The following HEG1 variants were observed in gnomAD, a reference collection of about 807,000 sequenced individuals.
The protein encoded by HEG1 is protein HEG homolog 1.
In HEG1, 56 loss-of-function variants were observed where a neutral mutation model predicts 125.6. The observed-to-expected ratio is 0.45, with a 90% CI of 0.36 to 0.56. The LOEUF is 0.56. Ranked by LOEUF, HEG1 falls within the 20% of genes least tolerant of loss-of-function variation. The probability of loss-of-function intolerance (pLI) is 0.00; values close to 1 mark genes in which losing one functional copy is unlikely to be tolerated. For synonymous variants in HEG1, 644 were observed against 668.5 expected (o/e 0.96, Z 0.57); for missense variants, 1,523 against 1,670.0 (o/e 0.91, Z 1.53).
intron 8 of HEG1, among the ~76,000 whole-genome samples, chr3:125,006,163 A>G (rs931319124): frequency 2.0e-5 from 3 of 151,970 alleles, no homozygotes; most frequent in Non-Finnish European, 2.9e-5. Flanking sequence ...GTGGGGCTAT[A>G]CTCCATGGGG....
intron 12 of HEG1, among the ~76,000 whole-genome samples, chr3:124,995,993 C>T (rs1452303638): frequency 1.3e-5 from 2 of 152,176 alleles, no homozygotes; most frequent in Non-Finnish European, 2.9e-5. Flanking sequence ...TACCTCTGCC[C>T]ACCTTGTGTC....
chr3:124,976,594 C>A (rs554842541), intron 15 of HEG1, among the ~76,000 whole-genome samples: 4 of 151,844 alleles, frequency 2.6e-5, no homozygotes, highest in African/African-American at 9.7e-5. Context: ...TGTTGACCAT[C>A]TTTTCGTGTG....
rs745667338 is a variant in HEG1, at chr3:125,013,303, T to C, written c.2276A>G (p.Gln759Arg). Residue 759 changes from glutamine (Q) to arginine (R), a missense_variant, in exon 6 of 17, where the codon CAG becomes CGG. Transcript: ENST00000311127. ...RARETPVTSF[Q>R]TSTMTSFMTM... The stretch of plus-strand genomic sequence containing the variant: ...CATGAATGATGTCATTGTTGATGTC[T>C]GAAATGAAGTCACAGGAGTCTCCCT... 4.3e-6 allele frequency: 7 copies of C among 1,613,884 alleles called. No individual in the cohort carries two copies. Among genetic ancestry groups the C allele is most frequent in the South Asian group, 3.3e-5 (3 of 91,082 alleles).
intron 12 of HEG1, among the ~76,000 whole-genome samples, chr3:124,991,228 C>T (rs567018875): frequency 8.2e-4 from 125 of 151,862 alleles, no homozygotes; most frequent in African/African-American, 2.7e-3. Flanking sequence ...TGGCTCACTG[C>T]AACCTCCACC....
Position 124,966,013 on chromosome 3 carries a change from T to G in HEG1, c.*4639A>C, listed in dbSNP as rs547373967. 7.9e-5 allele frequency: 12 copies of G among 152,234 alleles called. No individual in the cohort carries two copies. Among genetic ancestry groups the G allele is most frequent in the African/African-American group, 2.9e-4 (12 of 41,544 alleles). The allele number at this position is 152,234 out of a possible 1,614,324, so 9.4% of individuals were successfully genotyped here. A position where few individuals can be genotyped will look rare whatever the true frequency, so the allele number is the denominator to read the frequency against. On this transcript the variant is annotated 3_prime_UTR_variant, in exon 17 of 17. Coordinates refer to ENST00000311127, the MANE Select transcript of HEG1 (RefSeq NM_020733.2). The stretch of plus-strand genomic sequence containing the variant: ...ACCGTCAATCCACCAACACAAACAT[T>G]AACAAAACTCAGAGCAACTCATGAT...
chr3:125,028,467 C>A (rs1937449779), intron 2 of HEG1, among the ~76,000 whole-genome samples: 1 of 152,204 alleles, frequency 6.6e-6, no homozygotes, highest in South Asian at 2.1e-4. Flanking sequence ...CTGTCTTTCT[C>A]TCCTCTGCAC....
intron 16 of HEG1, among the ~76,000 whole-genome samples, chr3:124,972,952 T>C (rs1936471171): frequency 6.6e-6 from 1 of 152,180 alleles, no homozygotes; most frequent in South Asian, 2.1e-4. Context: ...ATTGAATTGT[T>C]GTTCTCTTTA....
In HEG1 at chr3:125,045,373, C is replaced by T. The variant is rs1378966768; in HGVS notation, c.316+10202G>A. On this transcript the variant is annotated intron_variant, in intron 1 of 16. Transcript: ENST00000311127. ...AGTATTCCCCAGAGACAACTCTCTCCCTCTGGACTATTTTATCTTGTTACA... is the reference window on the plus strand; with the variant it reads ...AGTATTCCCCAGAGACAACTCTCTCTCTCTGGACTATTTTATCTTGTTACA... 7.9e-5 allele frequency among the ~76,000 whole-genome samples: 12 copies of T among 152,210 alleles called. 1 individual carries two copies. The highest frequency in any genetic ancestry group is 7.9e-4 in the Admixed American group (12 of 15,284).
Position 124,970,376 on chromosome 3 carries a change from T to C in HEG1, c.*276A>G. Reference sequence around the variant, plus strand: ...GGTCTGCCCTGGCTAATAGTCGCCCTGGTGCCAGTGCCATGGTGCAGTCAC... The same window carrying C: ...GGTCTGCCCTGGCTAATAGTCGCCCCGGTGCCAGTGCCATGGTGCAGTCAC... On this transcript the variant is annotated 3_prime_UTR_variant, in exon 17 of 17. Transcript: ENST00000311127. 1 of 385,526 alleles carries C rather than the reference T, an allele frequency of 2.6e-6. No homozygotes were observed. The highest frequency in any genetic ancestry group is 2.0e-5 in the African/African-American group (1 of 49,316). 23.9% of individuals were successfully genotyped at this position (385,526 alleles called of 1,614,324 possible). A position where few individuals can be genotyped will look rare whatever the true frequency, so the allele number is the denominator to read the frequency against.
intron 6 of HEG1, among the ~76,000 whole-genome samples, 185 bp downstream of exon 6, chr3:125,012,438 T>A (rs1460978815): frequency 6.6e-6 from 1 of 152,222 alleles, no homozygotes; most frequent in Non-Finnish European, 1.5e-5. Context: ...GTGAGAAAAT[T>A]AGGCCCACCC....
At chr3:125,021,246 A>G (rs1579423984) in intron 3 of HEG1, 116 bp from the exon 4 acceptor site, 1 of 739,518 alleles carries the variant, frequency 1.4e-6, no homozygotes, top group East Asian at 2.7e-5. Flanking sequence ...AATACCATGG[A>G]CCTAATATAG....
At chr3:125,022,433 G>A (rs894217898) in intron 3 of HEG1, among the ~76,000 whole-genome samples, 2 of 145,860 alleles carry the variant, frequency 1.4e-5, no homozygotes, top group African/African-American at 5.0e-5. Context: ...GAGCATGCAT[G>A]GGAAACAAAA....
chr3:125,009,284 T>G (rs1348607243), intron 8 of HEG1, among the ~76,000 whole-genome samples: 1 of 150,806 alleles, frequency 6.6e-6, no homozygotes, highest in Non-Finnish European at 1.5e-5. Context: ...TCCATCTAAA[T>G]TGTTTTTTTT....
At chr3:124,980,211 T>C (rs1936623019) in intron 14 of HEG1, among the ~76,000 whole-genome samples, 1 of 152,226 alleles carries the variant, frequency 6.6e-6, no homozygotes. Context: ...CGCATCCACC[T>C]GTGCCCAGTC....
At chr3:124,992,663 C>T (rs1179335358) in intron 12 of HEG1, among the ~76,000 whole-genome samples, 1 of 152,248 alleles carries the variant, frequency 6.6e-6, no homozygotes, top group Non-Finnish European at 1.5e-5. Context: ...GATAACTTTC[C>T]TCATGACGAT....
intron 14 of HEG1, among the ~76,000 whole-genome samples, chr3:124,980,703 G>C (rs1189078860): frequency 2.0e-5 from 3 of 152,036 alleles, no homozygotes; most frequent in Admixed American, 6.6e-5. Flanking sequence ...ATTTTTAGTA[G>C]AGACGGGGTT....
intron 1 of HEG1, among the ~76,000 whole-genome samples, chr3:125,035,383 C>T (rs889995713): frequency 2.0e-5 from 3 of 152,098 alleles, no homozygotes; most frequent in Middle Eastern, 3.4e-3. Context: ...GCACAAAAAC[C>T]ACAGACTAAG....
At chr3:125,043,693 C>T (rs529891613) in intron 1 of HEG1, among the ~76,000 whole-genome samples, 4 of 152,272 alleles carry the variant, frequency 2.6e-5, no homozygotes, top group South Asian at 2.1e-4. Context: ...CCCCTCTGGA[C>T]GCGAAGGCCA....
At chr3:124,984,218 T>C (rs1024320535) in intron 14 of HEG1, among the ~76,000 whole-genome samples, 1 of 152,180 alleles carries the variant, frequency 6.6e-6, no homozygotes, top group African/African-American at 2.4e-5. Context: ...TTAAGCGGAA[T>C]GTCTGGCTTC....
Sources: gnomAD v4.1 joint callset for allele counts (sites outside exome capture counted in the v4.1 genomes callset) on GRCh38, gnomAD v4.1.1 for gene constraint, MANE v1.5 for transcripts, NCBI Gene and HGNC (gene_info 2026-07-23, HGNC 2026-07-21) for gene names.